The following DPP10 variants were observed in gnomAD, a reference collection of about 807,000 sequenced individuals.
DPP10 encodes inactive dipeptidyl peptidase 10.
A neutral mutation model predicts 120.9 loss-of-function variants in DPP10; 33 were observed. The observed-to-expected ratio is 0.27, with a 90% confidence interval of 0.21 to 0.37. DPP10 has a LOEUF of 0.37. DPP10 is among the 10% of genes least tolerant of loss of function. The pLI is 1.00. For synonymous variants in DPP10, 337 were observed against 326.1 expected, an observed-to-expected ratio of 1.03 and a Z score of -0.36; for missense variants, 816 against 942.8, an observed-to-expected ratio of 0.87 and a Z score of 1.76.
intron 3 of DPP10, among the ~76,000 whole-genome samples, chr2:115,350,193 A>G (rs946122117): frequency 6.6e-6 from 1 of 152,116 alleles, no homozygotes; most frequent in Non-Finnish European, 1.5e-5. Context: ...AATATTAGTG[A>G]CATTGAAATA....
intron 2 of DPP10, among the ~76,000 whole-genome samples, chr2:115,330,349 A>G (rs1157049284): frequency 5.9e-5 from 9 of 151,554 alleles, no homozygotes; most frequent in African/African-American, 2.2e-4. Flanking sequence ...TTGTCAGATG[A>G]GTAGATTGCA....
intron 1 of DPP10, among the ~76,000 whole-genome samples, chr2:114,939,843 C>T (rs1162358786): frequency 1.3e-5 from 2 of 152,068 alleles, no homozygotes; most frequent in East Asian, 1.9e-4. Flanking sequence ...TGGCTCATAC[C>T]AAATATGTTT....
At chr2:114,545,847 A>G (rs1687348734) in intron 1 of DPP10, among the ~76,000 whole-genome samples, 1 of 152,098 alleles carries the variant, frequency 6.6e-6, no homozygotes, top group Admixed American at 6.6e-5. Flanking sequence ...TTATACCGCA[A>G]CCCATGGAGC....
chr2:115,771,574 G>A (rs1575734604), intron 13 of DPP10, among the ~76,000 whole-genome samples: 1 of 152,152 alleles, frequency 6.6e-6, no homozygotes, highest in African/African-American at 2.4e-5. Flanking sequence ...GATGTGTAAT[G>A]CCAAATTGGC....
chr2:115,333,232 A>G lies in DPP10; in HGVS notation c.176-10585A>G, dbSNP rs866272532. Among the ~76,000 whole-genome samples, 61 of 152,140 alleles carry G rather than the reference A, an allele frequency of 4.0e-4. 2 individuals are homozygous for G. The highest frequency in any genetic ancestry group is 9.7e-5 in the African/African-American group (4 of 41,436). ...TGGTTTAAAGTCTGTTTTATCAGAC[A>G]CTAGGATTACAACCCCTGCCTGTTT... On this transcript the variant is annotated intron_variant, in intron 2 of 25. Transcript: ENST00000410059.
Position 114,686,924 on chromosome 2 carries a change from G to A in DPP10, c.60+244086G>A, listed in dbSNP as rs1699408648. On this transcript the variant is annotated intron_variant, in intron 1 of 25. Coordinates refer to ENST00000410059, the MANE Select transcript of DPP10 (RefSeq NM_020868.6). ...TATTGCAACCAGAACCAAGTTTATA[G>A]TATCTCTGGGATGTGCATTCCTTTT... is the stretch of plus-strand genomic sequence containing the variant. 2.0e-5 allele frequency among the ~76,000 whole-genome samples: 3 copies of A among 152,002 alleles called. No homozygotes were observed. The South Asian group carries it at 6.2e-4, about 31-fold the overall frequency.
At chr2:115,249,420 A>G (rs1300018830) in intron 1 of DPP10, among the ~76,000 whole-genome samples, 2 of 152,162 alleles carry the variant, frequency 1.3e-5, no homozygotes, top group Non-Finnish European at 2.9e-5. Flanking sequence ...ATCACGTGGT[A>G]GAAGACACAA....
At chr2:114,661,105 C>T (rs1397260300) in intron 1 of DPP10, among the ~76,000 whole-genome samples, 1 of 152,004 alleles carries the variant, frequency 6.6e-6, no homozygotes, top group Non-Finnish European at 1.5e-5. Flanking sequence ...GAATTCTGCC[C>T]CAAATGATAT....
chr2:114,831,609 G>C (rs1258864954), intron 1 of DPP10, among the ~76,000 whole-genome samples: 3 of 152,114 alleles, frequency 2.0e-5, no homozygotes, highest in Non-Finnish European at 4.4e-5. Context: ...TTTGCAGAAA[G>C]CACGAGCAAT....
chr2:115,842,373 G>A lies in DPP10; in HGVS notation c.*28G>A, dbSNP rs1417493137. ...GACTGTATTTATACAGAACTGAAGG[G>A]AATATTGAGGCTCAATGAAACCTGA... On this transcript the variant is annotated 3_prime_UTR_variant, in exon 26 of 26. Transcript: ENST00000410059. 1.3e-6 allele frequency: 2 copies of A among 1,592,364 alleles called. No homozygotes were observed. Among genetic ancestry groups the A allele is most frequent in the Non-Finnish European group, 1.7e-6 (2 of 1,165,842 alleles).
In DPP10 at chr2:115,741,137, G is replaced by A. The variant is rs115530142; in HGVS notation, c.852+1244G>A. Among the ~76,000 whole-genome samples the A allele has an allele frequency of 9.7e-3, 1,469 of 152,182 alleles. 19 individuals are homozygous for A. Among genetic ancestry groups the A allele is most frequent in the African/African-American group, 0.034 (1,409 of 41,536 alleles). ...TTCATTTTATCCAAAGGCAAAAAAA[G>A]GAGGCTTGAATATTGAGGATCAGAA... On this transcript the variant is annotated intron_variant, in intron 9 of 25. Coordinates refer to ENST00000410059, the MANE Select transcript of DPP10 (RefSeq NM_020868.6).
intron 5 of DPP10, among the ~76,000 whole-genome samples, chr2:115,600,514 A>G (rs891864955): frequency 7.9e-5 from 12 of 152,226 alleles, no homozygotes; most frequent in African/African-American, 2.9e-4. Context: ...CCATGTATAT[A>G]TGGAAGATCA....
intron 1 of DPP10, among the ~76,000 whole-genome samples, chr2:114,665,395 C>A (rs1015597560): frequency 3.3e-5 from 5 of 152,092 alleles, no homozygotes; most frequent in Non-Finnish European, 7.4e-5. Flanking sequence ...TTGCATGCAC[C>A]CTTTTTTCTC....
chr2:114,647,762 G>A (rs532259125), intron 1 of DPP10, among the ~76,000 whole-genome samples: 1 of 150,522 alleles, frequency 6.6e-6, no homozygotes, highest in South Asian at 2.1e-4. Context: ...GATTCACACA[G>A]CATTTCTCTT....
chr2:114,699,831 A>G (rs1700284179), intron 1 of DPP10, among the ~76,000 whole-genome samples: 1 of 152,094 alleles, frequency 6.6e-6, no homozygotes, highest in African/African-American at 2.4e-5. Context: ...AATGGAAAGG[A>G]GAGATGCTGC....
chr2:115,313,323 A>G (rs2061660002), intron 2 of DPP10, among the ~76,000 whole-genome samples: 1 of 152,202 alleles, frequency 6.6e-6, no homozygotes, highest in African/African-American at 2.4e-5. Flanking sequence ...TTCATTGAAG[A>G]AAAGGACATC....
At chr2:115,133,145 G>GTATA (rs1246180843) in intron 1 of DPP10, among the ~76,000 whole-genome samples, 595 of 28,752 alleles carry the variant, frequency 0.021, 32 homozygotes, top group South Asian at 0.14. Flanking sequence ...GTGTGTGTGT[G>GTATA]TATATATATA....
intron 1 of DPP10, chr2:115,064,635 T>C (rs1706692817): frequency 7.9e-7 from 1 of 1,273,320 alleles, no homozygotes; most frequent in East Asian, 5.7e-5. Context: ...TGTACTTATA[T>C]GTGAATAGCA....
intron 1 of DPP10, among the ~76,000 whole-genome samples, chr2:114,876,589 A>G (rs944492744): frequency 1.3e-5 from 2 of 152,118 alleles, no homozygotes; most frequent in Non-Finnish European, 2.9e-5. Context: ...ATTTGATGAC[A>G]TATGCCATGA....
Sources: allele counts gnomAD v4.1 joint callset (sites outside exome capture counted in the v4.1 genomes callset), GRCh38; gene constraint gnomAD v4.1.1; transcripts MANE v1.5; gene names NCBI Gene and HGNC (gene_info 2026-07-23, HGNC 2026-07-21).